HYCC1: variants seen among roughly 807,000 people sequenced by gnomAD.
HYCC1 encodes hyccin PI4KA lipid kinase complex subunit 1.
chr7:23,004,507 G>C, the HYCC1 span, among the ~76,000 whole-genome samples: 1 of 152,056 alleles, frequency 6.6e-6, no homozygotes, highest in Admixed American at 6.5e-5. Context: ...GCCTTTCTGA[G>C]GTGCAACCTA....
the HYCC1 span, among the ~76,000 whole-genome samples, chr7:22,981,454 G>C: frequency 6.6e-6 from 1 of 152,088 alleles, no homozygotes; most frequent in African/African-American, 2.4e-5. Context: ...AACAGCAAAA[G>C]GGAGGTTAAA....
the HYCC1 span, among the ~76,000 whole-genome samples, chr7:22,908,273 A>G: frequency 5.9e-5 from 9 of 152,342 alleles, no homozygotes; most frequent in African/African-American, 2.2e-4. Flanking sequence ...AGGAGCTAAC[A>G]AGAGCCCTGG....
chr7:22,950,996 T>C, the HYCC1 span, among the ~76,000 whole-genome samples: 2 of 151,972 alleles, frequency 1.3e-5, no homozygotes, highest in East Asian at 3.9e-4. Flanking sequence ...TAACCCCCTA[T>C]ATGCACAAAT....
chr7:22,925,442 T>C, the HYCC1 span, among the ~76,000 whole-genome samples: 23,008 of 151,930 alleles, frequency 0.15, 1,884 homozygotes, highest in African/African-American at 0.17. Flanking sequence ...GAAAAAAAAT[T>C]AGACAAATGG....
At chr7:22,973,821 T>G in the HYCC1 span, among the ~76,000 whole-genome samples, 1 of 152,176 alleles carries the variant, frequency 6.6e-6, no homozygotes, top group Non-Finnish European at 1.5e-5. Context: ...AATATAAAAG[T>G]AAGTATATTA....
the HYCC1 span, among the ~76,000 whole-genome samples, chr7:22,922,975 A>G: frequency 6.6e-6 from 1 of 152,222 alleles, no homozygotes; most frequent in Non-Finnish European, 1.5e-5. Flanking sequence ...GAGATACTTC[A>G]ATACTCCACT....
chr7:22,918,509 C>T, the HYCC1 span, among the ~76,000 whole-genome samples: 7 of 152,088 alleles, frequency 4.6e-5, no homozygotes, highest in Non-Finnish European at 1.0e-4. Flanking sequence ...AACACTTCAA[C>T]ACTATTTTGT....
chr7:22,985,709 C>T, the HYCC1 span: 1 of 151,618 alleles, frequency 6.6e-6, no homozygotes, highest in Non-Finnish European at 1.5e-5. Context: ...ATTCCATTTC[C>T]GTCATTTGAT....
the HYCC1 span, among the ~76,000 whole-genome samples, chr7:22,973,393 T>C: frequency 6.6e-6 from 1 of 152,124 alleles, no homozygotes; most frequent in African/African-American, 2.4e-5. Context: ...GTAAGAGAAA[T>C]AAATAACTGG....
chr7:22,946,236 A>C, the HYCC1 span: 3 of 1,193,966 alleles, frequency 2.5e-6, no homozygotes, highest in Non-Finnish European at 3.6e-6. Context: ...TTAACACCAA[A>C]TCAGTTATGC....
At chr7:22,916,083 G>A in the HYCC1 span, among the ~76,000 whole-genome samples, 16 of 151,872 alleles carry the variant, frequency 1.1e-4, no homozygotes, top group Admixed American at 3.3e-4. Context: ...CCCTTACCCC[G>A]CTCAATGCCA....
At chr7:22,903,632 T>C in the HYCC1 span, among the ~76,000 whole-genome samples, 1 of 152,214 alleles carries the variant, frequency 6.6e-6, no homozygotes, top group African/African-American at 2.4e-5. Flanking sequence ...ATTTTATCAA[T>C]CAAGGAAGAA....
chr7:22,979,860 T>C, the HYCC1 span, among the ~76,000 whole-genome samples: 3 of 152,028 alleles, frequency 2.0e-5, no homozygotes, highest in Non-Finnish European at 2.9e-5. Flanking sequence ...AAAGGGGAGG[T>C]AGAAATATAT....
the HYCC1 span, among the ~76,000 whole-genome samples, chr7:22,906,524 G>A: frequency 6.6e-6 from 1 of 151,076 alleles, no homozygotes; most frequent in Non-Finnish European, 1.5e-5. Context: ...GTTGCAGTGA[G>A]CCAAGATCGC....
chr7:22,931,869 G>A, the HYCC1 span, among the ~76,000 whole-genome samples: 1 of 152,130 alleles, frequency 6.6e-6, no homozygotes, highest in Admixed American at 6.5e-5. Flanking sequence ...GAGATTTAGT[G>A]GAGAACATTT....
chr7:22,983,952 G>T, the HYCC1 span: 1 of 1,576,322 alleles, frequency 6.3e-7, no homozygotes, highest in Non-Finnish European at 8.7e-7. Context: ...ACCTCACTTT[G>T]TGGCTCCTGG....
chr7:22,916,623 T>C, the HYCC1 span, among the ~76,000 whole-genome samples: 1 of 152,204 alleles, frequency 6.6e-6, no homozygotes, highest in Non-Finnish European at 1.5e-5. Flanking sequence ...CACATGATTG[T>C]ATCTCTCTGA....
At chr7:22,983,561 T>C in the HYCC1 span, among the ~76,000 whole-genome samples, 1 of 152,208 alleles carries the variant, frequency 6.6e-6, no homozygotes, top group Non-Finnish European at 1.5e-5. Flanking sequence ...CTTGAAACCA[T>C]GTGTTTACTT....
At chr7:22,909,809 G>T in the HYCC1 span, among the ~76,000 whole-genome samples, 1 of 152,092 alleles carries the variant, frequency 6.6e-6, no homozygotes, top group Non-Finnish European at 1.5e-5. Context: ...CCTCTTTTGT[G>T]AGTCCTCACC....
Sources: gnomAD v4.1 joint callset for allele counts (sites outside exome capture counted in the v4.1 genomes callset) on GRCh38, gnomAD v4.1.1 for gene constraint, MANE v1.5 for transcripts, NCBI Gene and HGNC (gene_info 2026-07-23, HGNC 2026-07-21) for gene names.